C8orf89: variants seen among roughly 807,000 people sequenced by gnomAD.
C8orf89 encodes the protein chromosome 8 open reading frame 89, also known as putative uncharacterized protein C8orf89.
In C8orf89, 14 loss-of-function variants were observed where a neutral mutation model predicts 15.8. That is an observed-to-expected ratio of 0.89 (90% CI 0.59 to 1.39). The LOEUF is 1.39. C8orf89 is among the 40% of genes most tolerant of loss of function. The pLI is 0.00. For synonymous variants in C8orf89, 55 were observed against 62.2 expected, an observed-to-expected ratio of 0.88 and a Z score of 0.54; for missense variants, 181 against 184.5, an observed-to-expected ratio of 0.98 and a Z score of 0.11.
upstream of C8orf89, among the ~76,000 whole-genome samples, chr8:73,264,145 TA>T (rs1011097889): frequency 5.9e-5 from 9 of 152,118 alleles, no homozygotes; most frequent in African/African-American, 2.2e-4. Context: ...GGGGGTCCTC[TA>T]AAATAGGAAA....
intron 2 of C8orf89, among the ~76,000 whole-genome samples, chr8:73,256,446 G>A (rs1004070736): frequency 1.3e-5 from 2 of 151,702 alleles, no homozygotes; most frequent in Non-Finnish European, 2.9e-5. Context: ...CCCTTAAATC[G>A]GGGGTGGGTG....
the C8orf89 span, among the ~76,000 whole-genome samples, chr8:73,270,170 A>G: frequency 2.5e-4 from 38 of 152,340 alleles, no homozygotes; most frequent in South Asian, 6.8e-3. Flanking sequence ...CTCAGTCATT[A>G]TAATAAAAAT....
the C8orf89 span, among the ~76,000 whole-genome samples, chr8:73,265,466 AG>A: frequency 6.6e-6 from 1 of 152,240 alleles, no homozygotes; most frequent in Non-Finnish European, 1.5e-5. Flanking sequence ...TGGAACACAA[AG>A]AAGGGAGTTG....
At chr8:73,269,562 C>A in the C8orf89 span, among the ~76,000 whole-genome samples, 4 of 152,198 alleles carry the variant, frequency 2.6e-5, no homozygotes, top group South Asian at 2.1e-4. Flanking sequence ...AACCACCAAC[C>A]CTTACAGCGA....
At chr8:73,274,792 T>C in the C8orf89 span, among the ~76,000 whole-genome samples, 3 of 152,194 alleles carry the variant, frequency 2.0e-5, no homozygotes, top group Non-Finnish European at 2.9e-5. Context: ...CATAAATAAG[T>C]TACACATATC....
chr8:73,259,102 G>A (rs1813471319), intron 1 of C8orf89, among the ~76,000 whole-genome samples: 1 of 151,862 alleles, frequency 6.6e-6, no homozygotes, highest in African/African-American at 2.4e-5. Context: ...ACAAATTTGA[G>A]TTTAAAAAAA....
the C8orf89 span, among the ~76,000 whole-genome samples, chr8:73,271,606 C>A: frequency 6.6e-6 from 1 of 152,272 alleles, no homozygotes; most frequent in East Asian, 1.9e-4. Flanking sequence ...TGAAATAAAC[C>A]ACTTTCCTTT....
At chr8:73,277,959 A>G in the C8orf89 span, 1 of 653,500 alleles carries the variant, frequency 1.5e-6, no homozygotes, top group Non-Finnish European at 2.9e-6. Context: ...TTGGCCAGCA[A>G]CAATGCCAAG....
At chr8:73,245,773 T>C (rs1302673030) in intron 3 of C8orf89, among the ~76,000 whole-genome samples, 2 of 152,128 alleles carry the variant, frequency 1.3e-5, no homozygotes, top group African/African-American at 4.8e-5. Context: ...CCAAAACTGA[T>C]TGAAAAATTA....
chr8:73,261,176 G>T (rs1027698146), upstream of C8orf89, among the ~76,000 whole-genome samples: 1 of 152,104 alleles, frequency 6.6e-6, no homozygotes, highest in African/African-American at 2.4e-5. Context: ...TTGTGATCAC[G>T]TGAGTCAATA....
At chr8:73,251,690 G>A (rs1207947727) in intron 2 of C8orf89, among the ~76,000 whole-genome samples, 3 of 152,180 alleles carry the variant, frequency 2.0e-5, no homozygotes, top group African/African-American at 7.2e-5. Flanking sequence ...CCTGAATAGG[G>A]TGGAAATAAT....
At chr8:73,262,779 T>C (rs529142822), upstream of C8orf89, among the ~76,000 whole-genome samples, 4 of 150,474 alleles carry the variant, frequency 2.7e-5, no homozygotes, top group East Asian at 7.9e-4. Flanking sequence ...ATCATGCCAC[T>C]GCATTCTAGC....
the C8orf89 span, among the ~76,000 whole-genome samples, chr8:73,283,158 G>A: frequency 5.1e-3 from 774 of 152,292 alleles, 5 homozygotes; most frequent in African/African-American, 0.018. Flanking sequence ...ATGCAAGGCA[G>A]GAAGAAGAAA....
chr8:73,270,852 C>T, the C8orf89 span, among the ~76,000 whole-genome samples: 1 of 152,146 alleles, frequency 6.6e-6, no homozygotes, highest in African/African-American at 2.4e-5. Flanking sequence ...AAGTATTTCC[C>T]ACTTCCAAAA....
chr8:73,250,426 G>A (rs938167615), intron 2 of C8orf89, 103 bp from the exon 3 acceptor site: 14 of 686,672 alleles, frequency 2.0e-5, no homozygotes, highest in Middle Eastern at 6.3e-4. Context: ...AAATGTTAAG[G>A]AAAGGAAAGT....
upstream of C8orf89, among the ~76,000 whole-genome samples, chr8:73,263,372 A>G (rs1813562964): frequency 6.6e-6 from 1 of 152,040 alleles, no homozygotes; most frequent in Admixed American, 6.6e-5. Flanking sequence ...AAAATTAGCC[A>G]TGTGTGGTGG....
intron 2 of C8orf89, among the ~76,000 whole-genome samples, chr8:73,251,465 T>C (rs1813246654): frequency 6.6e-6 from 1 of 152,194 alleles, no homozygotes; most frequent in Non-Finnish European, 1.5e-5. Flanking sequence ...GGAAAAGAAC[T>C]AACACTTATG....
upstream of C8orf89, among the ~76,000 whole-genome samples, chr8:73,260,785 G>A (rs772362119): frequency 2.0e-5 from 3 of 152,142 alleles, no homozygotes; most frequent in Non-Finnish European, 2.9e-5. Context: ...ATTGAAGGAC[G>A]CAAAGTACTT....
At chr8:73,277,163 G>T in the C8orf89 span, among the ~76,000 whole-genome samples, 1 of 152,016 alleles carries the variant, frequency 6.6e-6, no homozygotes, top group African/African-American at 2.4e-5. Context: ...ATCCTCATTG[G>T]TTTTTTAGAT....
Sources: allele counts gnomAD v4.1 joint callset (sites outside exome capture counted in the v4.1 genomes callset), GRCh38; gene constraint gnomAD v4.1.1; transcripts MANE v1.5; gene names NCBI Gene and HGNC (gene_info 2026-07-23, HGNC 2026-07-21).